Variants in MTBP observed in about 807,000 individuals in gnomAD.
MTBP encodes mdm2-binding protein.
A neutral mutation model predicts 117.0 loss-of-function variants in MTBP; 101 were observed. The observed-to-expected ratio is 0.86, with a 90% CI of 0.73 to 1.02. MTBP has a LOEUF of 1.02. Ranked by LOEUF, MTBP falls within the 50% of genes least tolerant of loss-of-function variation. The pLI is 0.00. For synonymous variants in MTBP, 350 were observed against 351.5 expected (o/e 1.00, Z 0.05); for missense variants, 970 against 1,030.9 (o/e 0.94, Z 0.81).
rs1179675635 is a variant in MTBP, at chr8:120,497,390, T to C, written c.1448-3T>C. The C allele has an allele frequency of 6.2e-7, 1 of 1,602,214 alleles. No individual in the cohort carries two copies. The highest frequency in any genetic ancestry group is 1.3e-5 in the African/African-American group (1 of 74,380). On this transcript the variant is annotated splice_polypyrimidine_tract_variant and splice_region_variant and intron_variant, in intron 13 of 21. Transcript: ENST00000305949. Reference sequence around the variant, plus strand: ...AAGTCAATTGTATTGATTTGTCTTATAGAAAGACGAAAGTTGGCAAAGCAG... The same window carrying C: ...AAGTCAATTGTATTGATTTGTCTTACAGAAAGACGAAAGTTGGCAAAGCAG...
At position 120,488,260 on chromosome 8, in the gene MTBP, C is replaced by A; in HGVS notation, c.1267C>A (p.Gln423Lys). 4 of 1,587,948 alleles carry A rather than the reference C, an allele frequency of 2.5e-6. No homozygotes were observed. Among genetic ancestry groups the A allele is most frequent in the Admixed American group, 1.8e-5 (1 of 54,450 alleles). Residue 423 changes from glutamine (Q) to lysine (K), a missense_variant, in exon 12 of 22, where the codon CAG becomes AAG. By Grantham distance (53) the Gln-to-Lys change is moderately conservative. Coordinates refer to ENST00000305949, the MANE Select transcript of MTBP (RefSeq NM_022045.5). ...AGCCACATTGATTCACTCAGCCAAC[C>A]AGATCAATGGCTCATTTGCACTCAA... ...CKATLIHSANQINGSFALNLI... is the reference protein window; with the variant it reads ...CKATLIHSANKINGSFALNLI...
intron 20 of MTBP, 36 bp from the exon 21 acceptor site, chr8:120,522,618 T>G (rs1399508294): frequency 2.3e-6 from 3 of 1,325,908 alleles, no homozygotes; most frequent in Non-Finnish European, 3.2e-6. Context: ...TAATTTAATG[T>G]GCAGATTGTA....
intron 14 of MTBP, 47 bp downstream of exon 14, chr8:120,497,601 C>A (rs1586963549): frequency 9.0e-7 from 1 of 1,112,158 alleles, no homozygotes; most frequent in South Asian, 1.6e-5. Context: ...TGTGTGGCAA[C>A]TATGACATTT....
intron 11 of MTBP, among the ~76,000 whole-genome samples, chr8:120,485,748 T>C (rs2130575448): frequency 6.6e-6 from 1 of 152,310 alleles, no homozygotes; most frequent in African/African-American, 2.4e-5. Context: ...TAGCTATTGG[T>C]TAATAATTTA....
At chr8:120,488,565 G>T (rs951977016) in intron 12 of MTBP, among the ~76,000 whole-genome samples, 1 of 152,060 alleles carries the variant, frequency 6.6e-6, no homozygotes, top group African/African-American at 2.4e-5. Context: ...TAGTAGATCA[G>T]CCTTCAATTC....
chr8:120,523,272 T>A, intron 21 of MTBP, 26 bp from the exon 22 acceptor site: 1 of 1,477,738 alleles, frequency 6.8e-7, no homozygotes. Flanking sequence ...AGAAATCTTC[T>A]GTAATCATAT....
chr8:120,474,541 C>T (rs1335961091), intron 11 of MTBP, among the ~76,000 whole-genome samples: 1 of 152,024 alleles, frequency 6.6e-6, no homozygotes, highest in African/African-American at 2.4e-5. Context: ...TCTCCACAAT[C>T]TACTGAATTA....
In MTBP at chr8:120,459,319, A is replaced by G. The variant is rs777810178; in HGVS notation, c.852A>G (p.Ile284Met). ...CTGACTTCCTTGCCAAAAAGATCATACCATCAAAGGATAAGAATATTTTGC... is the reference window on the plus strand; with the variant it reads ...CTGACTTCCTTGCCAAAAAGATCATGCCATCAAAGGATAAGAATATTTTGC... Reference protein sequence around the residue: ...LNTDFLAKKIIPSKDKNILPK... With the variant: ...LNTDFLAKKIMPSKDKNILPK... The change falls in exon 8 of 22, where the codon ATA (isoleucine) becomes ATG (methionine). Residue 284 changes from isoleucine to methionine, a missense_variant. Transcript: ENST00000305949. 5.6e-6 allele frequency: 9 copies of G among 1,611,784 alleles called. No individual in the cohort carries two copies. In the East Asian group the frequency reaches 1.8e-4, roughly 32 times the overall value.
intron 15 of MTBP, among the ~76,000 whole-genome samples, chr8:120,504,645 C>T (rs540927347): frequency 8.5e-5 from 13 of 152,078 alleles, no homozygotes; most frequent in African/African-American, 2.9e-4. Flanking sequence ...AGATTCAAGT[C>T]TTTTGTCTTT....
chr8:120,445,854 G>A (rs1439912691), intron 1 of MTBP, among the ~76,000 whole-genome samples: 1 of 152,126 alleles, frequency 6.6e-6, no homozygotes, highest in Admixed American at 6.5e-5. Context: ...CTTAGTAATG[G>A]AATTTCCTGC....
chr8:120,510,564 C>T (rs756786082), intron 17 of MTBP, among the ~76,000 whole-genome samples: 1 of 152,126 alleles, frequency 6.6e-6, no homozygotes, highest in African/African-American at 2.4e-5. Flanking sequence ...AATATCGATA[C>T]ATCCAGCAAC....
intron 11 of MTBP, among the ~76,000 whole-genome samples, chr8:120,477,196 C>T (rs1289890375): frequency 6.6e-6 from 1 of 152,092 alleles, no homozygotes; most frequent in African/African-American, 2.4e-5. Context: ...ACTGGCTAGC[C>T]ATATGCAGAA....
intron 12 of MTBP, 25 bp from the exon 13 acceptor site, chr8:120,490,438 A>C (rs759097603): frequency 1.4e-6 from 2 of 1,407,538 alleles, no homozygotes; most frequent in African/African-American, 1.4e-5. Context: ...ATTAATGTTG[A>C]CCTTTTTTTT....
intron 10 of MTBP, among the ~76,000 whole-genome samples, chr8:120,466,238 G>A (rs1292295017): frequency 2.2e-5 from 3 of 136,148 alleles, no homozygotes; most frequent in Non-Finnish European, 4.6e-5. Context: ...TTTAGACGGA[G>A]TCTCGCTCTA....
chr8:120,509,833 T>G, intron 16 of MTBP, 101 bp from the exon 17 acceptor site: 1 of 734,902 alleles, frequency 1.4e-6, no homozygotes. Flanking sequence ...AAATTCCAAT[T>G]GTAGAGGAAA....
At chr8:120,462,905 AG>A (rs1813610445) in intron 9 of MTBP, among the ~76,000 whole-genome samples, 1 of 152,180 alleles carries the variant, frequency 6.6e-6, no homozygotes, top group Admixed American at 6.6e-5. Context: ...TGCATTAAAA[AG>A]GTTTGCAAAG....
At chr8:120,451,572 A>C (rs901541586) in intron 4 of MTBP, 4 of 363,124 alleles carry the variant, frequency 1.1e-5, no homozygotes, top group Admixed American at 4.4e-5. Context: ...CTTGAAGATA[A>C]ATTCTGCCTA....
In MTBP at chr8:120,480,913, A is replaced by C. The variant is rs533706305; in HGVS notation, c.1166-7246A>C. ...TATTAAGAACATTTAAAAACAATCT[A>C]CTTAAAGAAAATAGTTCCAGTCGTA... On this transcript the variant is annotated intron_variant, in intron 11 of 21. Coordinates refer to ENST00000305949, the MANE Select transcript of MTBP (RefSeq NM_022045.5). Among the ~76,000 whole-genome samples the C allele has an allele frequency of 6.6e-5, 10 of 152,306 alleles. No individual in the cohort carries two copies. In the South Asian group the frequency reaches 1.9e-3, roughly 28 times the overall value.
At chr8:120,484,058 CTTTTGAGGAAAATAAGATTGTT>C (rs759988795) in intron 11 of MTBP, among the ~76,000 whole-genome samples, 8 of 151,898 alleles carry the variant, frequency 5.3e-5, no homozygotes, top group Non-Finnish European at 1.0e-4. Context: ...AAATATTTTT[CTTTTGAGGAAAATAAGATTGTT>C]GTAATTACAA....
Sources: allele counts gnomAD v4.1 joint callset (sites outside exome capture counted in the v4.1 genomes callset), GRCh38; gene constraint gnomAD v4.1.1; transcripts MANE v1.5; gene names NCBI Gene and HGNC (gene_info 2026-07-23, HGNC 2026-07-21).